The following EFCAB5 variants were observed in gnomAD, a reference collection of about 807,000 sequenced individuals.
EFCAB5 encodes EF-hand calcium-binding domain-containing protein 5.
A neutral mutation model predicts 167.9 loss-of-function variants in EFCAB5; 131 were observed. The ratio of observed to expected loss-of-function variants is 0.78; its 90% CI spans 0.68 to 0.90. The LOEUF (loss-of-function observed/expected upper bound fraction) is 0.90. Ranked by LOEUF, EFCAB5 falls within the 40% of genes least tolerant of loss-of-function variation. The pLI is 0.00. For synonymous variants in EFCAB5, 574 were observed against 602.8 expected (o/e 0.95, Z 0.70); for missense variants, 1,663 against 1,745.2 (o/e 0.95, Z 0.84).
At chr17:29,959,914 C>CCTTATAGCCCAGGAACT (rs2067687072) in intron 3 of EFCAB5, among the ~76,000 whole-genome samples, 1 of 152,126 alleles carries the variant, frequency 6.6e-6, no homozygotes, top group Non-Finnish European at 1.5e-5. Context: ...CCAGGAACTA[C>CCTTATAGCCCAGGAACT]AGTCCTTATA....
At position 30,106,464 on chromosome 17, in the gene EFCAB5, T is replaced by C. The variant is rs552992537; in HGVS notation, c.4322-1370T>C. 3.3e-5 allele frequency among the ~76,000 whole-genome samples: 5 copies of C among 152,078 alleles called. No individual in the cohort carries two copies. In the East Asian group the frequency reaches 7.7e-4, roughly 23 times the overall value. On this transcript the variant is annotated intron_variant, in intron 22 of 22. Coordinates refer to ENST00000394835, the MANE Select transcript of EFCAB5 (RefSeq NM_198529.4). ...AAAGAAAGGGGGTAATTATTATTAT[T>C]ATTATTTTTTGAAATGGAGTCTCAC...
chr17:30,036,467 T>TCACC (rs996555081), intron 8 of EFCAB5, among the ~76,000 whole-genome samples: 6 of 150,420 alleles, frequency 4.0e-5, no homozygotes, highest in African/African-American at 1.5e-4. Flanking sequence ...CCTCACTCTA[T>TCACC]CACCCAGGCT....
chr17:29,931,717 G>C (rs2067198382), intron 1 of EFCAB5, among the ~76,000 whole-genome samples: 1 of 152,086 alleles, frequency 6.6e-6, no homozygotes, highest in Admixed American at 6.6e-5. Flanking sequence ...TAGATACATA[G>C]CCAAAAAATA....
intron 7 of EFCAB5, among the ~76,000 whole-genome samples, chr17:30,008,437 CA>C (rs1287099047): frequency 6.6e-6 from 1 of 151,942 alleles, no homozygotes; most frequent in African/African-American, 2.4e-5. Flanking sequence ...ACCAAAAATA[CA>C]AAAATTAGCT....
At chr17:30,097,437 T>C (rs750251055) in intron 22 of EFCAB5, among the ~76,000 whole-genome samples, 2 of 152,252 alleles carry the variant, frequency 1.3e-5, no homozygotes, top group Non-Finnish European at 2.9e-5. Flanking sequence ...TTCTCTTTCA[T>C]ACTCTTCAGT....
At position 30,080,964 on chromosome 17, in the gene EFCAB5, G is replaced by T. The variant is rs1310478228; in HGVS notation, c.3409G>T (p.Glu1137Ter). 2 of 1,612,622 alleles carry T rather than the reference G, an allele frequency of 1.2e-6. No homozygotes were observed. The highest frequency in any genetic ancestry group is 2.2e-5 in the South Asian group (2 of 91,012). The change falls in exon 17 of 23, where the codon GAG (glutamate) becomes TAG (stop). Residue 1137 changes from glutamate to a stop codon, truncating the protein, a stop_gained. Coordinates refer to ENST00000394835, the MANE Select transcript of EFCAB5 (RefSeq NM_198529.4). LOFTEE classifies it high-confidence loss of function. ...PHEINIFLPH[E>*]IRFYQGVANV... ...CGAAATAAACATCTTTCTACCTCAT[G>T]AGATCAGATTCTATCAGGTAAGTCA...
chr17:30,049,872 C>T (rs1198712270), intron 8 of EFCAB5, among the ~76,000 whole-genome samples: 4 of 152,048 alleles, frequency 2.6e-5, no homozygotes, highest in Non-Finnish European at 4.4e-5. Flanking sequence ...AGTTATTTAT[C>T]CTAGAGAAAC....
chr17:30,008,055 T>C (rs2068810233), intron 7 of EFCAB5, among the ~76,000 whole-genome samples: 1 of 94,404 alleles, frequency 1.1e-5, no homozygotes, highest in African/African-American at 8.3e-5. Context: ...TCCCCCAATC[T>C]ATTAAGTCAA....
chr17:29,963,843 A>G (rs1453143282), intron 3 of EFCAB5, among the ~76,000 whole-genome samples: 2 of 152,152 alleles, frequency 1.3e-5, no homozygotes, highest in Non-Finnish European at 2.9e-5. Flanking sequence ...TGGATCCCTC[A>G]TGAATGGTTT....
chr17:29,977,459 A>G (rs2068084405), intron 4 of EFCAB5, among the ~76,000 whole-genome samples: 1 of 152,202 alleles, frequency 6.6e-6, no homozygotes. Flanking sequence ...GAACCATAAT[A>G]ACCTAGAATG....
At chr17:30,069,501 C>G in intron 14 of EFCAB5, 1 of 1,604,538 alleles carries the variant, frequency 6.2e-7, no homozygotes, top group African/African-American at 1.3e-5. Flanking sequence ...GTGGGGGCAA[C>G]TGAAAATATC....
At chr17:30,082,357 TA>T (rs1332654472) in intron 17 of EFCAB5, among the ~76,000 whole-genome samples, 1 of 149,648 alleles carries the variant, frequency 6.7e-6, no homozygotes, top group Non-Finnish European at 1.5e-5. Flanking sequence ...ATCAAAAGCA[TA>T]AAAAGGTATG....
intron 14 of EFCAB5, among the ~76,000 whole-genome samples, chr17:30,075,228 C>T (rs2070845355): frequency 6.6e-6 from 1 of 152,186 alleles, no homozygotes; most frequent in Admixed American, 6.5e-5. Context: ...CTCTTCCACA[C>T]TGATTTCCTT....
At position 30,018,835 on chromosome 17, in the gene EFCAB5, T is replaced by A. The variant is rs187969030; in HGVS notation, c.1045-15395T>A. ...AAGCAATGGCGAGGAACTTTTTTTGTTTTTTAGCTATTTTTTGCTAGATTG... is the reference window on the plus strand; with the variant it reads ...AAGCAATGGCGAGGAACTTTTTTTGATTTTTAGCTATTTTTTGCTAGATTG... On this transcript the variant is annotated intron_variant, in intron 7 of 22. Transcript: ENST00000394835. Among the ~76,000 whole-genome samples, 336 of 152,300 alleles carry A rather than the reference T, an allele frequency of 2.2e-3. 2 individuals carry two copies. Among genetic ancestry groups the A allele is most frequent in the African/African-American group, 7.7e-3 (320 of 41,566 alleles).
At chr17:30,011,512 G>A (rs956081697) in intron 7 of EFCAB5, among the ~76,000 whole-genome samples, 7 of 152,074 alleles carry the variant, frequency 4.6e-5, no homozygotes, top group African/African-American at 1.7e-4. Context: ...CCTTGAAGAG[G>A]TCCTTCACAT....
Position 30,078,207 on chromosome 17 carries a change from T to C in EFCAB5, c.2738-8T>C. On this transcript the variant is annotated splice_region_variant and splice_polypyrimidine_tract_variant and intron_variant, in intron 14 of 22. Transcript: ENST00000394835. ...GTTAGTTCTTGGTTTCGTGTTTGTGTCTTTTAGCTAAACTACACATCCAAT... is the reference window on the plus strand; with the variant it reads ...GTTAGTTCTTGGTTTCGTGTTTGTGCCTTTTAGCTAAACTACACATCCAAT... The C allele has an allele frequency of 6.2e-7, 1 of 1,600,670 alleles. No individual in the cohort carries two copies. Among genetic ancestry groups the C allele is most frequent in the Non-Finnish European group, 8.5e-7 (1 of 1,171,766 alleles).
intron 4 of EFCAB5, among the ~76,000 whole-genome samples, chr17:29,979,879 A>C (rs2068137153): frequency 6.6e-6 from 1 of 152,140 alleles, no homozygotes; most frequent in Non-Finnish European, 1.5e-5. Flanking sequence ...TAATAACTTA[A>C]ACTTACTAGC....
intron 7 of EFCAB5, among the ~76,000 whole-genome samples, chr17:30,008,410 T>C (rs2068820200): frequency 6.6e-6 from 1 of 152,110 alleles, no homozygotes; most frequent in African/African-American, 2.4e-5. Context: ...CTGGCCAACA[T>C]GGTGAATCCT....
chr17:30,093,086 C>A, intron 22 of EFCAB5, 150 bp downstream of exon 22: 1 of 500,366 alleles, frequency 2.0e-6, no homozygotes, highest in Non-Finnish European at 3.5e-6. Context: ...ACTATGTAAT[C>A]TATTGCATCA....
Sources: allele counts gnomAD v4.1 joint callset (sites outside exome capture counted in the v4.1 genomes callset), GRCh38; gene constraint gnomAD v4.1.1; transcripts MANE v1.5; gene names NCBI Gene and HGNC (gene_info 2026-07-23, HGNC 2026-07-21).